TPP2: variants seen among roughly 807,000 people sequenced by gnomAD.
The protein encoded by TPP2 is tripeptidyl-peptidase 2.
A neutral mutation model predicts 155.9 loss-of-function variants in TPP2; 34 were observed. That is an observed-to-expected ratio of 0.22 (90% CI 0.17 to 0.29). TPP2 has a LOEUF of 0.29. TPP2 is among the 10% of genes least tolerant of loss of function. The pLI is 1.00. For missense variants in TPP2, 1,028 were observed against 1,522.3 expected, an observed-to-expected ratio of 0.68 and a Z score of 5.40; for synonymous variants, 510 against 529.4, an observed-to-expected ratio of 0.96 and a Z score of 0.50.
At position 102,648,944 on chromosome 13, in the gene TPP2, G is replaced by T; in HGVS notation, c.2666G>T (p.Arg889Leu). 6.2e-7 allele frequency: 1 copy of T among 1,609,628 alleles called. No homozygotes were observed. The highest frequency in any genetic ancestry group is 8.5e-7 in the Non-Finnish European group (1 of 1,178,902). Residue 889 changes from arginine to leucine, a missense_variant, in exon 22 of 30, where the codon CGA becomes CTA. Arg to Leu is a moderately radical substitution (Grantham distance 102). Coordinates refer to ENST00000376052, the MANE Select transcript of TPP2 (RefSeq NM_001330588.2). ...LKLEKGDYTI[R>L]LQIRHEQISD... The stretch of plus-strand genomic sequence containing the variant: ...CTGGAGAAAGGAGATTATACAATTC[G>T]ACTACAGATTCGCCATGAGCAAATC...
chr13:102,597,736 G>A (rs1776174588), intron 1 of TPP2, among the ~76,000 whole-genome samples: 2 of 152,252 alleles, frequency 1.3e-5, no homozygotes, highest in Admixed American at 1.3e-4. Context: ...TTAGGGATCG[G>A]GAGATTTGGT....
chr13:102,655,755 G>A (rs1036029112), intron 24 of TPP2, among the ~76,000 whole-genome samples: 1 of 152,052 alleles, frequency 6.6e-6, no homozygotes, highest in South Asian at 2.1e-4. Flanking sequence ...GTCCGGGGGG[G>A]TCAGTAGGCT....
At chr13:102,660,748 C>G (rs920536753) in intron 25 of TPP2, among the ~76,000 whole-genome samples, 2 of 152,124 alleles carry the variant, frequency 1.3e-5, no homozygotes. Context: ...CAACAGTAAA[C>G]AAGACAGTGT....
At chr13:102,629,822 A>C (rs535137003) in intron 9 of TPP2, among the ~76,000 whole-genome samples, 36 of 152,362 alleles carry the variant, frequency 2.4e-4, no homozygotes, top group African/African-American at 8.7e-4. Context: ...AGAAATACAC[A>C]TGCATGCTTT....
chr13:102,642,224 G>C (rs1484833791), intron 16 of TPP2, among the ~76,000 whole-genome samples: 1 of 152,108 alleles, frequency 6.6e-6, no homozygotes, highest in Non-Finnish European at 1.5e-5. Flanking sequence ...ACTTCTAGAG[G>C]GTGGAGTCAG....
chr13:102,654,507 G>GT lies in TPP2; in HGVS notation c.2992-2547dup, dbSNP rs552907167. Among the ~76,000 whole-genome samples the GT allele has an allele frequency of 3.1e-3, 467 of 152,116 alleles. 2 individuals carry two copies. The highest frequency in any genetic ancestry group is 0.011 in the African/African-American group (441 of 41,504). ...AATCCTAAATTAATTTTAATAGATT[G>GT]TTCATTTTAAATTCAATTCTCTTTT... On this transcript the variant is annotated intron_variant, in intron 24 of 29. Transcript: ENST00000376052.
intron 2 of TPP2, among the ~76,000 whole-genome samples, chr13:102,609,326 A>C (rs971686531): frequency 6.6e-6 from 1 of 151,760 alleles, no homozygotes; most frequent in Non-Finnish European, 1.5e-5. Context: ...GGTGAAGGGG[A>C]AACAAGACAT....
intron 10 of TPP2, among the ~76,000 whole-genome samples, chr13:102,632,466 T>A (rs1882083974): frequency 6.6e-6 from 1 of 152,070 alleles, no homozygotes; most frequent in Non-Finnish European, 1.5e-5. Context: ...GGTCTTGAAC[T>A]CCTGACCTCG....
chr13:102,631,147 T>C (rs1221934615), intron 10 of TPP2: 1 of 152,238 alleles, frequency 6.6e-6, no homozygotes, highest in Non-Finnish European at 1.5e-5. Flanking sequence ...ACATAACTAG[T>C]AACTGAGTAT....
Position 102,676,425 on chromosome 13 carries a change from A to G in TPP2, c.3699+10A>G, listed in dbSNP as rs1367465505. 6.2e-7 allele frequency: 1 copy of G among 1,606,984 alleles called. No individual in the cohort carries two copies. Among genetic ancestry groups the G allele is most frequent in the Non-Finnish European group, 8.5e-7 (1 of 1,175,526 alleles). On this transcript the variant is annotated intron_variant, in intron 29 of 29. Transcript: ENST00000376052. ...GAAAAATTGTATTCAAGTAAGTGAT[A>G]TTTAAAATGTCACTGTTAAGCATCA... is the stretch of plus-strand genomic sequence containing the variant.
chr13:102,678,468 G>A lies in TPP2; in HGVS notation c.*152G>A. On this transcript the variant is annotated 3_prime_UTR_variant, in exon 30 of 30. Transcript: ENST00000376052. ...ACATGTATTTATCAGAGAATTCACTGACGTGTGGCTTAATACATGTAAATC... is the reference window on the plus strand; with the variant it reads ...ACATGTATTTATCAGAGAATTCACTAACGTGTGGCTTAATACATGTAAATC... 1.6e-6 allele frequency: 1 copy of A among 613,398 alleles called. No homozygotes were observed. The highest frequency in any genetic ancestry group is 2.7e-6 in the Non-Finnish European group (1 of 366,754). 38.0% of individuals were successfully genotyped at this position (613,398 alleles called of 1,614,324 possible).
chr13:102,624,152 G>A (rs1405331895), intron 6 of TPP2, among the ~76,000 whole-genome samples: 8 of 152,114 alleles, frequency 5.3e-5, no homozygotes, highest in East Asian at 3.9e-4. Flanking sequence ...AAAACATGCC[G>A]AATAGTACTA....
chr13:102,602,815 G>A (rs1879528311), intron 1 of TPP2, among the ~76,000 whole-genome samples: 1 of 152,202 alleles, frequency 6.6e-6, no homozygotes, highest in Non-Finnish European at 1.5e-5. Context: ...GGTGGAATTG[G>A]AGTCTGAAGA....
intron 24 of TPP2, chr13:102,655,062 C>T (rs1268491766): frequency 6.2e-6 from 3 of 486,664 alleles, no homozygotes; most frequent in Non-Finnish European, 1.2e-5. Flanking sequence ...AGAATGACAG[C>T]CAGTGGCTAC....
intron 10 of TPP2, among the ~76,000 whole-genome samples, chr13:102,633,541 C>T (rs1882162279): frequency 6.6e-6 from 1 of 151,764 alleles, no homozygotes; most frequent in Non-Finnish European, 1.5e-5. Context: ...TTATATGGCC[C>T]ACATTATATT....
Position 102,628,076 on chromosome 13 carries a change from G to A in TPP2, c.1016+152G>A, listed in dbSNP as rs1012845983. Reference sequence around the variant, plus strand: ...TGTTCAAGAGGACTTTCATCCTCTTGAAGTCCTGTTTGGCTCGTAGGCCGC... The same window carrying A: ...TGTTCAAGAGGACTTTCATCCTCTTAAAGTCCTGTTTGGCTCGTAGGCCGC... On this transcript the variant is annotated intron_variant, in intron 8 of 29. Transcript: ENST00000376052. The A allele has an allele frequency of 8.3e-5, 54 of 647,596 alleles. No homozygotes were observed. In the African/African-American group the frequency reaches 9.7e-4, roughly 12 times the overall value. The allele number at this position is 647,596 out of a possible 1,614,324, so 40.1% of individuals were successfully genotyped here. A position where few individuals can be genotyped will look rare whatever the true frequency, so the allele number is the denominator to read the frequency against.
chr13:102,598,888 TA>T (rs1239201569), intron 1 of TPP2, among the ~76,000 whole-genome samples: 15 of 152,374 alleles, frequency 9.8e-5, no homozygotes, highest in African/African-American at 3.6e-4. Flanking sequence ...GTGACTTTTT[TA>T]AATGCTCAAG....
chr13:102,663,117 G>GATT (rs1247959873), intron 25 of TPP2, among the ~76,000 whole-genome samples: 2 of 92,454 alleles, frequency 2.2e-5, no homozygotes, highest in Non-Finnish European at 4.7e-5. Context: ...TTTTCAGTTT[G>GATT]ATTTATTTAT....
At chr13:102,599,363 G>T (rs771366151) in intron 1 of TPP2, among the ~76,000 whole-genome samples, 1 of 152,066 alleles carries the variant, frequency 6.6e-6, no homozygotes, top group Non-Finnish European at 1.5e-5. Context: ...AAAGAAATTG[G>T]GTACGGTGGC....
Sources: allele counts gnomAD v4.1 joint callset (sites outside exome capture counted in the v4.1 genomes callset), GRCh38; gene constraint gnomAD v4.1.1; transcripts MANE v1.5; gene names NCBI Gene and HGNC (gene_info 2026-07-23, HGNC 2026-07-21).